The following BRIP1 variants were observed in gnomAD, a reference collection of about 807,000 sequenced individuals.
The protein encoded by BRIP1 is BRCA1 interacting DNA helicase 1.
Under a neutral mutation model 119.7 loss-of-function variants are expected in BRIP1, and 88 were observed. The observed-to-expected ratio is 0.74, with a 90% CI of 0.62 to 0.88. The LOEUF (loss-of-function observed/expected upper bound fraction) is 0.88, where lower values mean the gene tolerates loss of function less well. Among genes scored for constraint, BRIP1 ranks in the 40% least tolerant of loss-of-function variants. The pLI, the probability that BRIP1 is intolerant of heterozygous loss-of-function variation, is 0.00. For missense variants in BRIP1, 1,259 were observed against 1,455.4 expected (o/e 0.87, Z 2.20); for synonymous variants, 443 against 496.5 (o/e 0.89, Z 1.43).
chr17:61,771,048 A>T (rs1233944231), intron 14 of BRIP1, among the ~76,000 whole-genome samples: 1 of 152,246 alleles, frequency 6.6e-6, no homozygotes, highest in East Asian at 1.9e-4. Flanking sequence ...CTTTAAATTT[A>T]GACACAAATA....
rs1374469837 is a variant in BRIP1, at chr17:61,767,081, A to G, written c.2097+9320T>C. 6.6e-6 allele frequency among the ~76,000 whole-genome samples: 1 copy of G among 152,188 alleles called. No individual in the cohort carries two copies. Among genetic ancestry groups the G allele is most frequent in the East Asian group, 1.9e-4 (1 of 5,188 alleles). On this transcript the variant is annotated intron_variant, in intron 14 of 19. Coordinates refer to ENST00000259008, the MANE Select transcript of BRIP1 (RefSeq NM_032043.3). This position sits in a 1 kb window ranked among gnomAD's most constrained non-coding sequence, Gnocchi z 5.7. ...CTGAAAGAATGTGGGGAAAAAAACTAGATGAACAACGTTCTCACTCTTACC... is the reference window on the plus strand; with the variant it reads ...CTGAAAGAATGTGGGGAAAAAAACTGGATGAACAACGTTCTCACTCTTACC...
Position 61,854,480 on chromosome 17 carries a change from G to A in BRIP1, c.379+2578C>T, listed in dbSNP as rs117273926. Among the ~76,000 whole-genome samples the A allele has an allele frequency of 8.8e-4, 134 of 152,166 alleles. 1 individual carries two copies. The East Asian group carries it at 0.021, about 24-fold the overall frequency. ...CTAACACTTTGTGAGGCACAGATGG[G>A]TGGATCACTTGACGTCAGGAGCTAC... On this transcript the variant is annotated intron_variant, in intron 4 of 19. Transcript: ENST00000259008.
Position 61,686,608 on chromosome 17 carries a change from GT to G in BRIP1, c.2576-444del, listed in dbSNP as rs1416749165. Among the ~76,000 whole-genome samples, 3 of 151,856 alleles carry G rather than the reference GT, an allele frequency of 2.0e-5. No homozygotes were observed. The highest frequency in any genetic ancestry group is 4.4e-5 in the Non-Finnish European group (3 of 67,982). ...AATAATTTCAAGATTCTAGTCTCAAGTTTTTTTGTTCCCTTCCTCCACCAAT... is the reference window on the plus strand; with the variant it reads ...AATAATTTCAAGATTCTAGTCTCAAGTTTTTTGTTCCCTTCCTCCACCAAT... On this transcript the variant is annotated intron_variant, in intron 18 of 19. Coordinates refer to ENST00000259008, the MANE Select transcript of BRIP1 (RefSeq NM_032043.3). This position sits in a 1 kb window ranked among gnomAD's most constrained non-coding sequence, Gnocchi z 5.4.
At chr17:61,784,456 G>A (rs753502154) in intron 10 of BRIP1, 32 bp from the exon 11 acceptor site, 1 of 1,581,792 alleles carries the variant, frequency 6.3e-7, no homozygotes, top group East Asian at 2.2e-5. Context: ...AGTATAGAGG[G>A]GTTGGGAGGG....
chr17:61,694,514 T>C (rs1035629208), intron 17 of BRIP1, among the ~76,000 whole-genome samples: 2 of 152,096 alleles, frequency 1.3e-5, no homozygotes, highest in African/African-American at 4.8e-5. Context: ...GAATACATGT[T>C]TTTTATTCTC....
At position 61,761,472 on chromosome 17, in the gene BRIP1, CCT is replaced by C. The variant is rs1321608351; in HGVS notation, c.2097+14927_2097+14928del. 5.3e-5 allele frequency among the ~76,000 whole-genome samples: 8 copies of C among 151,870 alleles called. No individual in the cohort carries two copies. The East Asian group carries it at 7.7e-4, about 15-fold the overall frequency. On this transcript the variant is annotated intron_variant, in intron 14 of 19. Transcript: ENST00000259008. This position sits in a 1 kb window ranked among gnomAD's most constrained non-coding sequence, Gnocchi z 6.4. ...TAGAAAAGAAAAAAGTGAAACTGCC[CCT>C]GTTTGCTGAAGACATAATCTTATAT...
At chr17:61,836,564 A>G (rs1224116974) in intron 6 of BRIP1, among the ~76,000 whole-genome samples, 2 of 152,160 alleles carry the variant, frequency 1.3e-5, no homozygotes. Context: ...TTTTTCATTC[A>G]TTTATTCAAC....
rs544498700 is a variant in BRIP1, at chr17:61,841,129, G to A, written c.627+5972C>T. ...TATAAGACTACTAGAAGAAAACATAGGGCAAAAGCTTCAGGACACTGATCT... is the reference window on the plus strand; with the variant it reads ...TATAAGACTACTAGAAGAAAACATAAGGCAAAAGCTTCAGGACACTGATCT... On this transcript the variant is annotated intron_variant, in intron 6 of 19. Coordinates refer to ENST00000259008, the MANE Select transcript of BRIP1 (RefSeq NM_032043.3). This position sits in a 1 kb window ranked among gnomAD's most constrained non-coding sequence, Gnocchi z 4.1. Among the ~76,000 whole-genome samples the A allele has an allele frequency of 1.3e-5, 2 of 152,134 alleles. No individual in the cohort carries two copies. The highest frequency in any genetic ancestry group is 1.3e-4 in the Admixed American group (2 of 15,272).
chr17:61,683,173 T>G lies in BRIP1; in HGVS notation c.*123A>C. On this transcript the variant is annotated 3_prime_UTR_variant, in exon 20 of 20. Transcript: ENST00000259008. This position sits in a 1 kb window ranked among gnomAD's most constrained non-coding sequence, Gnocchi z 4.7. ...AACTCAAGAATAATAACATTTACAT[T>G]TCTGAACATAAAATAGTTTTTTAAA... 8.4e-7 allele frequency: 1 copy of G among 1,190,110 alleles called. No individual in the cohort carries two copies. The highest frequency in any genetic ancestry group is 1.2e-6 in the Non-Finnish European group (1 of 842,766). 73.7% of individuals were successfully genotyped at this position (1,190,110 alleles called of 1,614,324 possible).
At position 61,834,481 on chromosome 17, in the gene BRIP1, A is replaced by C. The variant is rs1410786043; in HGVS notation, c.627+12620T>G. ...TATACTCAGTTGATACTGGGTATATATGTAATATATACTACGTAACAAAAA... is the reference window on the plus strand; with the variant it reads ...TATACTCAGTTGATACTGGGTATATCTGTAATATATACTACGTAACAAAAA... On this transcript the variant is annotated intron_variant, in intron 6 of 19. Transcript: ENST00000259008. The surrounding 1 kb of genome is among the most constrained non-coding windows in gnomAD (Gnocchi z 4.4). 1.3e-5 allele frequency among the ~76,000 whole-genome samples: 2 copies of C among 152,138 alleles called. No individual in the cohort carries two copies. Among genetic ancestry groups the C allele is most frequent in the Non-Finnish European group, 2.9e-5 (2 of 68,034 alleles).
chr17:61,785,953 T>G (rs1335960749), intron 10 of BRIP1, among the ~76,000 whole-genome samples: 1 of 151,734 alleles, frequency 6.6e-6, no homozygotes, highest in African/African-American at 2.4e-5. Flanking sequence ...AATAGAAAAC[T>G]AAGCAATGGA....
rs943771895 is a variant in BRIP1, at chr17:61,856,109, G to C, written c.379+949C>G. ...AGAAAGCATAAATCTTTGAAGGAAA[G>C]GGAAGAAATCCAAAAGGCCAAAATC... On this transcript the variant is annotated intron_variant, in intron 4 of 19. Coordinates refer to ENST00000259008, the MANE Select transcript of BRIP1 (RefSeq NM_032043.3). The surrounding 1 kb of genome is among the most constrained non-coding windows in gnomAD (Gnocchi z 5.1). Among the ~76,000 whole-genome samples the C allele has an allele frequency of 6.6e-6, 1 of 152,146 alleles. No individual in the cohort carries two copies. The highest frequency in any genetic ancestry group is 1.5e-5 in the Non-Finnish European group (1 of 68,022).
chr17:61,852,410 T>A lies in BRIP1; in HGVS notation c.380-3154A>T, dbSNP rs1300342809. Among the ~76,000 whole-genome samples, 1 of 152,104 alleles carries A rather than the reference T, an allele frequency of 6.6e-6. No individual in the cohort carries two copies. Among genetic ancestry groups the A allele is most frequent in the Non-Finnish European group, 1.5e-5 (1 of 68,004 alleles). ...GAGGCTGGGCACGGTGGCTCACACTTGTAATTCAAGCACTTTGGGAGGCTG... is the reference window on the plus strand; with the variant it reads ...GAGGCTGGGCACGGTGGCTCACACTAGTAATTCAAGCACTTTGGGAGGCTG... On this transcript the variant is annotated intron_variant, in intron 4 of 19. Transcript: ENST00000259008. The surrounding 1 kb of genome is among the most constrained non-coding windows in gnomAD (Gnocchi z 4.9).
chr17:61,852,671 T>A lies in BRIP1; in HGVS notation c.380-3415A>T, dbSNP rs1279570426. 6.6e-6 allele frequency among the ~76,000 whole-genome samples: 1 copy of A among 151,702 alleles called. No individual in the cohort carries two copies. The highest frequency in any genetic ancestry group is 1.5e-5 in the Non-Finnish European group (1 of 67,910). On this transcript the variant is annotated intron_variant, in intron 4 of 19. Coordinates refer to ENST00000259008, the MANE Select transcript of BRIP1 (RefSeq NM_032043.3). The surrounding 1 kb of genome is among the most constrained non-coding windows in gnomAD (Gnocchi z 4.9). ...CGACAGAGTGAGACCCCACCTCAAA[T>A]AAAAAACAAAAGAAAAATGGCAAAC...
At chr17:61,826,422 G>A (rs1033745210) in intron 6 of BRIP1, among the ~76,000 whole-genome samples, 3 of 152,102 alleles carry the variant, frequency 2.0e-5, no homozygotes, top group African/African-American at 7.2e-5. Context: ...AAGAGTTAAT[G>A]CACAGCAAAC....
Position 61,693,414 on chromosome 17 carries a change from C to A in BRIP1, c.2575+16G>T. Reference sequence around the variant, plus strand: ...ATTGTTACTAGTTTTTACTCTAAGCCCAGCTGAGATCTTACCAGATATATA... The same window carrying A: ...ATTGTTACTAGTTTTTACTCTAAGCACAGCTGAGATCTTACCAGATATATA... On this transcript the variant is annotated intron_variant, in intron 18 of 19. Coordinates refer to ENST00000259008, the MANE Select transcript of BRIP1 (RefSeq NM_032043.3). The surrounding 1 kb of genome is among the most constrained non-coding windows in gnomAD (Gnocchi z 4.2). 1 of 1,602,590 alleles carries A rather than the reference C, an allele frequency of 6.2e-7. No homozygotes were observed. The highest frequency in any genetic ancestry group is 8.5e-7 in the Non-Finnish European group (1 of 1,169,796).
intron 14 of BRIP1, among the ~76,000 whole-genome samples, chr17:61,750,143 T>C (rs1228657371): frequency 1.3e-5 from 2 of 152,244 alleles, no homozygotes; most frequent in African/African-American, 4.8e-5. Flanking sequence ...CCACTGAGTA[T>C]GCTACGAGCT....
chr17:61,785,918 G>A (rs1282009382), intron 10 of BRIP1, among the ~76,000 whole-genome samples: 1 of 146,528 alleles, frequency 6.8e-6, no homozygotes, highest in Non-Finnish European at 1.5e-5. Context: ...CTACACATTG[G>A]CAGCTGGGTT....
At chr17:61,801,110 T>C (rs1273133259) in intron 8 of BRIP1, 143 bp downstream of exon 8, 1 of 731,524 alleles carries the variant, frequency 1.4e-6, no homozygotes, top group Admixed American at 2.6e-5. Flanking sequence ...TGTTAGGATA[T>C]GTTTTCAGTA....
Sources: allele counts gnomAD v4.1 joint callset (sites outside exome capture counted in the v4.1 genomes callset), GRCh38; gene constraint gnomAD v4.1.1; non-coding constraint Gnocchi (gnomAD v3.1); transcripts MANE v1.5; gene names NCBI Gene and HGNC (gene_info 2026-07-23, HGNC 2026-07-21).